The following PDE4D variants were observed in gnomAD, a reference collection of about 807,000 sequenced individuals.
PDE4D encodes the protein phosphodiesterase 4D, also known as 3',5'-cyclic-AMP phosphodiesterase 4D.
A neutral mutation model predicts 87.4 loss-of-function variants in PDE4D; 24 were observed. The observed-to-expected ratio is 0.27, with a 90% CI of 0.20 to 0.39. PDE4D has a LOEUF of 0.39. Ranked by LOEUF, PDE4D falls within the 10% of genes least tolerant of loss-of-function variation. The probability of loss-of-function intolerance (pLI) is 1.00; values close to 1 mark genes in which losing one functional copy is unlikely to be tolerated. For synonymous variants in PDE4D, 384 were observed against 383.2 expected (o/e 1.00, Z -0.02); for missense variants, 714 against 1,041.0 (o/e 0.69, Z 4.32).
rs559101700 is a variant in PDE4D, at chr5:59,817,529, G to A, written c.455+75639C>T. Among the ~76,000 whole-genome samples the A allele has an allele frequency of 6.6e-5, 10 of 152,278 alleles. No homozygotes were observed. In the East Asian group the frequency reaches 9.7e-4, roughly 15 times the overall value. Reference sequence around the variant, plus strand: ...AATTCATATGTTGAAGTGTTGATATGTTCCCATCAATTCATATATTCCTAT... The same window carrying A: ...AATTCATATGTTGAAGTGTTGATATATTCCCATCAATTCATATATTCCTAT... On this transcript the variant is annotated intron_variant, in intron 1 of 14. Transcript: ENST00000340635.
chr5:60,406,397 C>G (rs1741532387), intron 1 of PDE4D, among the ~76,000 whole-genome samples: 1 of 152,168 alleles, frequency 6.6e-6, no homozygotes, highest in Non-Finnish European at 1.5e-5. Context: ...AAAAACAACT[C>G]TCAGTGCACG....
At chr5:59,467,106 G>A (rs1801697069) in intron 1 of PDE4D, among the ~76,000 whole-genome samples, 1 of 152,140 alleles carries the variant, frequency 6.6e-6, no homozygotes, top group African/African-American at 2.4e-5. Flanking sequence ...CCATCTACAA[G>A]CTGAGGAGAG....
At position 59,395,930 on chromosome 5, in the gene PDE4D, A is replaced by G. The variant is rs1235360956; in HGVS notation, c.456-179962T>C. Among the ~76,000 whole-genome samples, 6 of 120,472 alleles carry G rather than the reference A, an allele frequency of 5.0e-5. 2 individuals are homozygous for G. In the East Asian group the frequency reaches 1.6e-3, roughly 32 times the overall value. 79.0% of individuals were successfully genotyped at this position (120,472 alleles called of 152,430 possible). ...AAACCAAGGCTCAAGAACTACCTGA[A>G]GAATGCAGAAGCCTCAGGAGCTGAT... is the stretch of plus-strand genomic sequence containing the variant. On this transcript the variant is annotated intron_variant, in intron 1 of 14. Coordinates refer to ENST00000340635, the MANE Select transcript of PDE4D (RefSeq NM_001104631.2).
chr5:59,781,682 A>C (rs1764635449), intron 1 of PDE4D, among the ~76,000 whole-genome samples: 3 of 146,900 alleles, frequency 2.0e-5, no homozygotes, highest in Admixed American at 6.9e-5. Flanking sequence ...GCTACTCAGG[A>C]GGCCGAGGCA....
chr5:59,939,165 G>T (rs1423989286), intron 3 of PDE4D, among the ~76,000 whole-genome samples: 3 of 152,180 alleles, frequency 2.0e-5, no homozygotes, highest in African/African-American at 7.2e-5. Context: ...GCACAAGAAT[G>T]CAGTGTGCAC....
At chr5:59,883,822 T>C (rs1177682481) in intron 1 of PDE4D, among the ~76,000 whole-genome samples, 2 of 152,188 alleles carry the variant, frequency 1.3e-5, no homozygotes, top group Non-Finnish European at 2.9e-5. Flanking sequence ...ATGAAATGAA[T>C]TTTTGCTTTC....
At chr5:60,240,497 T>C (rs984671712) in intron 1 of PDE4D, among the ~76,000 whole-genome samples, 1 of 152,098 alleles carries the variant, frequency 6.6e-6, no homozygotes, top group Non-Finnish European at 1.5e-5. Context: ...GAAGAGTCCT[T>C]GGGCCTTAAG....
At chr5:60,362,643 A>G (rs1181322094) in intron 1 of PDE4D, among the ~76,000 whole-genome samples, 1 of 152,136 alleles carries the variant, frequency 6.6e-6, no homozygotes, top group Non-Finnish European at 1.5e-5. Context: ...GGATCACCTA[A>G]GGTCAGGAGT....
At chr5:59,105,090 C>G (rs938690902) in intron 5 of PDE4D, among the ~76,000 whole-genome samples, 2 of 152,162 alleles carry the variant, frequency 1.3e-5, no homozygotes, top group Admixed American at 6.5e-5. Flanking sequence ...CCACATCAAA[C>G]GCACCAAGTC....
chr5:59,187,765 T>A (rs1355184339), intron 3 of PDE4D, among the ~76,000 whole-genome samples: 1 of 152,176 alleles, frequency 6.6e-6, no homozygotes, highest in Non-Finnish European at 1.5e-5. Flanking sequence ...ATTTATTGTG[T>A]GTGTGTGGGT....
intron 1 of PDE4D, among the ~76,000 whole-genome samples, chr5:59,720,890 T>A (rs1755730403): frequency 6.6e-6 from 1 of 152,110 alleles, no homozygotes; most frequent in Non-Finnish European, 1.5e-5. Flanking sequence ...TAAGATAGAA[T>A]TTCCATTATT....
At chr5:59,115,382 TC>T (rs757443485) in intron 5 of PDE4D, among the ~76,000 whole-genome samples, 17 of 152,190 alleles carry the variant, frequency 1.1e-4, no homozygotes, top group Admixed American at 2.0e-4. Context: ...TTGTAGATTT[TC>T]TTTTTCTGTT....
At chr5:59,970,090 A>G (rs1013466437) in intron 3 of PDE4D, among the ~76,000 whole-genome samples, 7 of 152,204 alleles carry the variant, frequency 4.6e-5, no homozygotes, top group Non-Finnish European at 8.8e-5. Flanking sequence ...TGTATCAGGA[A>G]CAACGCTGAT....
At chr5:59,172,211 AATATATAAT>A (rs1294456567) in intron 5 of PDE4D, among the ~76,000 whole-genome samples, 1 of 112,238 alleles carries the variant, frequency 8.9e-6, no homozygotes, top group Non-Finnish European at 1.7e-5. Context: ...ATATGTATAT[AATATATAAT>A]AAATATATAA....
intron 2 of PDE4D, among the ~76,000 whole-genome samples, chr5:60,113,474 G>A (rs1433228751): frequency 6.6e-6 from 1 of 151,994 alleles, no homozygotes; most frequent in East Asian, 1.9e-4. Flanking sequence ...AAGGAATCAT[G>A]GCAGCTTCTC....
At chr5:59,500,545 C>A (rs1808118140) in intron 1 of PDE4D, among the ~76,000 whole-genome samples, 1 of 152,046 alleles carries the variant, frequency 6.6e-6, no homozygotes, top group Non-Finnish European at 1.5e-5. Flanking sequence ...TAAGTGGGAG[C>A]TAAACACTGG....
At chr5:60,252,925 G>A (rs551749243) in intron 1 of PDE4D, among the ~76,000 whole-genome samples, 9 of 151,948 alleles carry the variant, frequency 5.9e-5, no homozygotes, top group Admixed American at 2.6e-4. Flanking sequence ...CCTACCACTT[G>A]GAACTTGACT....
chr5:60,119,905 A>G (rs181539095), intron 2 of PDE4D, among the ~76,000 whole-genome samples: 6 of 152,334 alleles, frequency 3.9e-5, no homozygotes, highest in African/African-American at 1.4e-4. Context: ...CAGTATATAC[A>G]TGGGACCTGA....
At chr5:59,235,188 GA>G (rs1272845425) in intron 1 of PDE4D, among the ~76,000 whole-genome samples, 3 of 152,126 alleles carry the variant, frequency 2.0e-5, no homozygotes, top group African/African-American at 7.2e-5. Flanking sequence ...CAGACCACAT[GA>G]AAAAAATCTC....
Sources: gnomAD v4.1 joint callset for allele counts (sites outside exome capture counted in the v4.1 genomes callset) on GRCh38, gnomAD v4.1.1 for gene constraint, MANE v1.5 for transcripts, NCBI Gene and HGNC (gene_info 2026-07-23, HGNC 2026-07-21) for gene names.